GRM8: variants seen among roughly 807,000 people sequenced by gnomAD.
GRM8 encodes the protein glutamate metabotropic receptor 8.
A neutral mutation model predicts 87.2 loss-of-function variants in GRM8; 47 were observed. The ratio of observed to expected loss-of-function variants is 0.54; its 90% CI spans 0.43 to 0.69. GRM8 has a LOEUF of 0.69. GRM8 is among the 30% of genes least tolerant of loss of function. The probability of loss-of-function intolerance (pLI) is 0.00; values close to 1 mark genes in which losing one functional copy is unlikely to be tolerated. For synonymous variants in GRM8, 396 were observed against 404.5 expected (o/e 0.98, Z 0.25); for missense variants, 1,019 against 1,139.2 (o/e 0.89, Z 1.52).
In GRM8 at chr7:126,711,018, G is replaced by GA. The variant is rs1811042884; in HGVS notation, c.1357+58846dup. On this transcript the variant is annotated intron_variant, in intron 7 of 10. Transcript: ENST00000339582. Reference sequence around the variant, plus strand: ...TGAAACCCTGTCTCTACTAAAAATAGAAAAAAATTACCTGGGCATGGTGGT... The same window carrying GA: ...TGAAACCCTGTCTCTACTAAAAATAGAAAAAAAATTACCTGGGCATGGTGGT... 2.6e-5 allele frequency among the ~76,000 whole-genome samples: 4 copies of GA among 151,938 alleles called. No homozygotes were observed. The South Asian group carries it at 8.3e-4, about 32-fold the overall frequency.
intron 7 of GRM8, among the ~76,000 whole-genome samples, chr7:126,706,522 C>T (rs969774559): frequency 5.9e-5 from 9 of 152,212 alleles, no homozygotes; most frequent in Middle Eastern, 3.4e-3. Flanking sequence ...GGCTGTCAAC[C>T]GTATGAATGA....
chr7:127,091,605 G>A (rs1314378644), intron 3 of GRM8, among the ~76,000 whole-genome samples: 2 of 77,460 alleles, frequency 2.6e-5, no homozygotes, highest in East Asian at 4.1e-4. Flanking sequence ...CATCCCACTC[G>A]TCATGCTCCC....
At position 126,724,654 on chromosome 7, in the gene GRM8, T is replaced by C. The variant is rs1812764614; in HGVS notation, c.1357+45211A>G. On this transcript the variant is annotated intron_variant, in intron 7 of 10. Transcript: ENST00000339582. ...GATCCATTTATCTTCTTTATGGTTG[T>C]GGAAAGTGTGTAACTTAAGAACACT... is the stretch of plus-strand genomic sequence containing the variant. Among the ~76,000 whole-genome samples, 2 of 152,032 alleles carry C rather than the reference T, an allele frequency of 1.3e-5. 1 individual carries two copies. The highest frequency in any genetic ancestry group is 4.1e-4 in the South Asian group (2 of 4,832).
chr7:126,716,177 C>CT (rs763090501), intron 7 of GRM8, among the ~76,000 whole-genome samples: 1 of 151,756 alleles, frequency 6.6e-6, no homozygotes, highest in Non-Finnish European at 1.5e-5. Context: ...TGAATAAACA[C>CT]TTTTTTTTCT....
chr7:127,178,766 G>A (rs925493738), intron 2 of GRM8, among the ~76,000 whole-genome samples: 4 of 152,138 alleles, frequency 2.6e-5, no homozygotes, highest in Non-Finnish European at 4.4e-5. Context: ...GAAAGATACT[G>A]TTGTTTTCAG....
chr7:126,878,238 A>G (rs1432966696), intron 6 of GRM8, among the ~76,000 whole-genome samples: 2 of 152,206 alleles, frequency 1.3e-5, no homozygotes, highest in Non-Finnish European at 2.9e-5. Flanking sequence ...CAATTCACAA[A>G]ACTTGTTGAC....
chr7:127,164,055 G>A (rs927821285), intron 2 of GRM8, among the ~76,000 whole-genome samples: 7 of 152,052 alleles, frequency 4.6e-5, no homozygotes, highest in Non-Finnish European at 7.4e-5. Flanking sequence ...TCTCATGAAC[G>A]GTTTAGCACC....
intron 6 of GRM8, among the ~76,000 whole-genome samples, chr7:126,842,590 T>A (rs1189024648): frequency 6.6e-6 from 1 of 152,120 alleles, no homozygotes; most frequent in East Asian, 1.9e-4. Context: ...GGATTTAAAA[T>A]AAGAAGATTA....
intron 7 of GRM8, among the ~76,000 whole-genome samples, chr7:126,692,456 G>A (rs2151375381): frequency 6.6e-6 from 1 of 152,284 alleles, no homozygotes; most frequent in East Asian, 1.9e-4. Flanking sequence ...CCATGTCCTT[G>A]ATGTCAACAT....
intron 7 of GRM8, among the ~76,000 whole-genome samples, chr7:126,617,096 T>C (rs1007965514): frequency 3.3e-5 from 5 of 152,124 alleles, no homozygotes; most frequent in Non-Finnish European, 7.3e-5. Flanking sequence ...TAGACCAATA[T>C]CCCTGATGAA....
At chr7:127,251,429 G>T (rs970511084) in intron 1 of GRM8, among the ~76,000 whole-genome samples, 40 of 152,084 alleles carry the variant, frequency 2.6e-4, no homozygotes, top group Admixed American at 1.7e-3. Context: ...GATGGGCTTC[G>T]CGCTTGGCAT....
At chr7:126,817,570 A>G (rs1440783206) in intron 6 of GRM8, among the ~76,000 whole-genome samples, 2 of 152,170 alleles carry the variant, frequency 1.3e-5, no homozygotes, top group African/African-American at 4.8e-5. Flanking sequence ...TTATCGATGT[A>G]CAGTTACCAG....
At chr7:127,174,817 A>G (rs919718859) in intron 2 of GRM8, among the ~76,000 whole-genome samples, 2 of 152,202 alleles carry the variant, frequency 1.3e-5, no homozygotes, top group African/African-American at 4.8e-5. Flanking sequence ...CAGTAATCAC[A>G]GTTCTAAGCT....
chr7:126,775,459 G>A (rs1024319115), intron 6 of GRM8, among the ~76,000 whole-genome samples: 4 of 143,982 alleles, frequency 2.8e-5, no homozygotes, highest in South Asian at 2.2e-4. Flanking sequence ...AAGAGTGAGC[G>A]CTATCAAGCT....
intron 8 of GRM8, among the ~76,000 whole-genome samples, chr7:126,603,514 A>C (rs1361322661): frequency 6.6e-6 from 1 of 151,802 alleles, no homozygotes; most frequent in Non-Finnish European, 1.5e-5. Flanking sequence ...AATCTCCTTA[A>C]GCTGATAAGC....
chr7:127,053,524 T>A (rs1819679465), intron 3 of GRM8, among the ~76,000 whole-genome samples: 1 of 152,200 alleles, frequency 6.6e-6, no homozygotes, highest in Admixed American at 6.5e-5. Flanking sequence ...ATGCAGTGGC[T>A]CATGCCTGTA....
chr7:127,160,525 T>TCG (rs1554603494), intron 2 of GRM8, among the ~76,000 whole-genome samples: 4 of 98,358 alleles, frequency 4.1e-5, no homozygotes, highest in African/African-American at 1.3e-4. Flanking sequence ...GGAGGCTCCA[T>TCG]CACGCGCGCG....
chr7:126,827,776 C>A (rs556572337), intron 6 of GRM8, among the ~76,000 whole-genome samples: 8 of 152,324 alleles, frequency 5.3e-5, no homozygotes, highest in African/African-American at 1.7e-4. Flanking sequence ...GAGAGGGCAT[C>A]CCTGTCTTGT....
intron 8 of GRM8, among the ~76,000 whole-genome samples, chr7:126,603,461 C>T (rs948022479): frequency 4.6e-4 from 69 of 151,540 alleles, no homozygotes; most frequent in Non-Finnish European, 6.5e-4. Context: ...TGTTTGCAGA[C>T]GACATGATTG....
Sources: allele counts gnomAD v4.1 joint callset (sites outside exome capture counted in the v4.1 genomes callset), GRCh38; gene constraint gnomAD v4.1.1; transcripts MANE v1.5; gene names NCBI Gene and HGNC (gene_info 2026-07-23, HGNC 2026-07-21).